Variants in MRPL44 observed in about 807,000 individuals in gnomAD.
MRPL44 encodes the protein large ribosomal subunit protein mL44.
A neutral mutation model predicts 25.9 loss-of-function variants in MRPL44; 21 were observed. That is an observed-to-expected ratio of 0.81 (90% CI 0.58 to 1.17). The LOEUF is 1.17. Among genes scored for constraint, MRPL44 ranks in the 50% most tolerant of loss-of-function variants. The probability of loss-of-function intolerance (pLI) is 0.00; values close to 1 mark genes in which losing one functional copy is unlikely to be tolerated. For synonymous variants in MRPL44, 169 were observed against 151.0 expected (o/e 1.12, Z -0.87); for missense variants, 410 against 398.9 (o/e 1.03, Z -0.24).
chr2:223,962,217 G>A (rs1268353896), intron 2 of MRPL44, among the ~76,000 whole-genome samples: 5 of 152,068 alleles, frequency 3.3e-5, no homozygotes, highest in African/African-American at 9.7e-5. Context: ...CTGTAGAGCC[G>A]TGGTCTCATT....
intron 2 of MRPL44, among the ~76,000 whole-genome samples, chr2:223,961,431 A>C (rs1431798619): frequency 1.3e-5 from 2 of 152,252 alleles, no homozygotes; most frequent in African/African-American, 4.8e-5. Context: ...AGTATTACTA[A>C]GAAAGTGGTT....
rs1312476236 is a variant in MRPL44 at position 223,967,027 on chromosome 2, C to T, written c.992C>T (p.Ala331Val). ...TTGAGAGCAGAAAAGAGCATCACTGCCAGCTAGCCGCCATGGATGCAGCAG... is the reference window on the plus strand; with the variant it reads ...TTGAGAGCAGAAAAGAGCATCACTGTCAGCTAGCCGCCATGGATGCAGCAG... Reference protein sequence around the residue: ...ETLRAEKSITAS With the variant: ...ETLRAEKSITVS Residue 331 changes from alanine (A) to valine (V), a missense_variant, in exon 4 of 4, where the codon GCC (alanine) becomes GTC (valine). Ala to Val is a moderately conservative substitution (Grantham distance 64). Transcript: ENST00000258383. The T allele has an allele frequency of 1.9e-6, 3 of 1,608,258 alleles. No homozygotes were observed. Among genetic ancestry groups the T allele is most frequent in the Non-Finnish European group, 2.5e-6 (3 of 1,177,012 alleles).
At chr2:223,958,434 G>A (rs903486667) in intron 1 of MRPL44, among the ~76,000 whole-genome samples, 1 of 152,140 alleles carries the variant, frequency 6.6e-6, no homozygotes, top group Admixed American at 6.5e-5. Flanking sequence ...CTACCAGTAG[G>A]AACGGTCTTC....
In MRPL44 at chr2:223,966,966, A is replaced by G; in HGVS notation, c.931A>G (p.Arg311Gly). 6.2e-7 allele frequency: 1 copy of G among 1,614,176 alleles called. No homozygotes were observed. Among genetic ancestry groups the G allele is most frequent in the Non-Finnish European group, 8.5e-7 (1 of 1,180,006 alleles). Reference protein sequence around the residue: ...LRKLYGFTENRRPWNYSKPKE... With the variant: ...LRKLYGFTENGRPWNYSKPKE... ...AAAACTTTATGGATTCACAGAAAAT[A>G]GACGGCCGTGGAACTATTCCAAGCC... Residue 311 changes from arginine to glycine, a missense_variant, in exon 4 of 4, where the codon AGA (arginine) becomes GGA (glycine). Arg to Gly is a moderately radical substitution (Grantham distance 125). Coordinates refer to ENST00000258383, the MANE Select transcript of MRPL44 (RefSeq NM_022915.5).
upstream of MRPL44, chr2:223,957,353 G>A (rs1279050680): frequency 7.5e-6 from 10 of 1,325,020 alleles, no homozygotes; most frequent in African/African-American, 1.5e-5. Flanking sequence ...CCCCGCCCCG[G>A]GGGCTGTCTC....
chr2:223,966,964 A>G lies in MRPL44; in HGVS notation c.929A>G (p.Asn310Ser), dbSNP rs768911679. The G allele has an allele frequency of 1.2e-5, 19 of 1,614,076 alleles. No individual in the cohort carries two copies. In the Admixed American group the frequency reaches 3.0e-4, roughly 25 times the overall value. ...AGAAAACTTTATGGATTCACAGAAA[A>G]TAGACGGCCGTGGAACTATTCCAAG... The part of the protein sequence containing the change: ...ALRKLYGFTE[N>S]RRPWNYSKPK... Residue 310 changes from asparagine to serine, a missense_variant, in exon 4 of 4, where the codon AAT becomes AGT. Transcript: ENST00000258383.
chr2:223,965,853 C>CATAA (rs1458311385), intron 3 of MRPL44: 1 of 151,406 alleles, frequency 6.6e-6, no homozygotes, highest in Non-Finnish European at 1.5e-5. Context: ...TATTTAATTA[C>CATAA]TATTTATCTT....
At chr2:223,962,384 T>TAA (rs1689675340) in intron 2 of MRPL44, among the ~76,000 whole-genome samples, 2 of 152,212 alleles carry the variant, frequency 1.3e-5, no homozygotes. Context: ...AGTGTTGTAA[T>TAA]GAATTGACTT....
At chr2:223,954,101 T>C (rs1689530400), upstream of MRPL44, among the ~76,000 whole-genome samples, 1 of 152,200 alleles carries the variant, frequency 6.6e-6, no homozygotes, top group Non-Finnish European at 1.5e-5. Context: ...AAAGGGGATC[T>C]ATACCTACAG....
chr2:223,963,838 A>T lies in MRPL44; in HGVS notation c.731A>T (p.Glu244Val). The T allele has an allele frequency of 6.2e-7, 1 of 1,614,008 alleles. No individual in the cohort carries two copies. The change falls in exon 3 of 4, where the codon GAA (glutamate) becomes GTA (valine). Residue 244 changes from glutamate to valine, a missense_variant. By Grantham distance (121) the Glu-to-Val change is moderately radical (BLOSUM62 -2). Coordinates refer to ENST00000258383, the MANE Select transcript of MRPL44 (RefSeq NM_022915.5). ...IINPMGLLVE[E>V]LKKRNVSAPE... is the part of the protein sequence containing the mutation. ...AATCCCATGGGGCTATTGGTAGAAG[A>T]ACTGAAGAAAAGGAATGTTTCAGCT... is the stretch of plus-strand genomic sequence containing the variant.
intron 2 of MRPL44, among the ~76,000 whole-genome samples, chr2:223,962,244 T>TCTTGAACTTGAA (rs1168251980): frequency 2.0e-5 from 3 of 152,194 alleles, no homozygotes; most frequent in African/African-American, 7.2e-5. Context: ...TTCAAGCTGG[T>TCTTGAACTTGAA]CTTGAACTCC....
chr2:223,956,654 T>G (rs1689568207), upstream of MRPL44, among the ~76,000 whole-genome samples: 1 of 152,342 alleles, frequency 6.6e-6, no homozygotes, highest in South Asian at 2.1e-4. Flanking sequence ...CACAGATGCC[T>G]TTAACAAAGA....
chr2:223,958,735 C>T (rs1181461311), intron 1 of MRPL44, among the ~76,000 whole-genome samples: 3 of 152,130 alleles, frequency 2.0e-5, no homozygotes, highest in Non-Finnish European at 4.4e-5. Context: ...TACAGGTATA[C>T]CTCATACATA....
In MRPL44 at chr2:223,957,535, C is replaced by T. The variant is rs773236665; in HGVS notation, c.63C>T (p.Ala21=). The T allele has an allele frequency of 3.1e-6, 5 of 1,614,096 alleles. No individual in the cohort carries two copies. In the Admixed American group the frequency reaches 6.7e-5, roughly 22 times the overall value. Residue 21 remains alanine (A), a synonymous_variant, in exon 1 of 4, where the codon GCC becomes GCT. Coordinates refer to ENST00000258383, the MANE Select transcript of MRPL44 (RefSeq NM_022915.5). ...ATCGCTGCCTCCTGGCTCCAGTCGC[C>T]CCCAAGCTGGTCCCTCCGGTTCGGG... ...QGHRCLLAPV[A]PKLVPPVRGV...
At position 223,966,936 on chromosome 2, in the gene MRPL44, C is replaced by G; in HGVS notation, c.901C>G (p.Leu301Val). ...AGAAGAAGAGGCTGCTCGAGTGGCC[C>G]TTAGAAAACTTTATGGATTCACAGA... ...VAEEEAARVA[L>V]RKLYGFTENR... is the part of the protein sequence containing the mutation. The change falls in exon 4 of 4, where the codon CTT becomes GTT. Residue 301 changes from leucine (L) to valine (V), a missense_variant. By Grantham distance (32) the Leu-to-Val change is conservative. Coordinates refer to ENST00000258383, the MANE Select transcript of MRPL44 (RefSeq NM_022915.5). 6.2e-7 allele frequency: 1 copy of G among 1,614,116 alleles called. No homozygotes were observed. The highest frequency in any genetic ancestry group is 8.5e-7 in the Non-Finnish European group (1 of 1,180,016).
At chr2:223,966,841 C>T in intron 3 of MRPL44, 22 bp from the exon 4 acceptor site, 1 of 1,602,478 alleles carries the variant, frequency 6.2e-7, no homozygotes, top group South Asian at 1.1e-5. Flanking sequence ...TAATTTAAGA[C>T]TACTGTTTGT....
Position 223,959,543 on chromosome 2 carries a change from G to T in MRPL44, c.189G>T (p.Lys63Asn), listed in dbSNP as rs1255437306. 6.2e-7 allele frequency: 1 copy of T among 1,606,028 alleles called. No homozygotes were observed. The change falls in exon 2 of 4, where the codon AAG (lysine) becomes AAT (asparagine). Residue 63 changes from lysine to asparagine, a missense_variant. Transcript: ENST00000258383. Reference protein sequence around the residue: ...CPPPPVRRSEKPNWDYHAEIQ... With the variant: ...CPPPPVRRSENPNWDYHAEIQ... ...GTCTTTACATTTTCAGTTCAGAGAA[G>T]CCGAACTGGGATTACCATGCAGAAA...
At position 223,957,568 on chromosome 2, in the gene MRPL44, G is replaced by A. The variant is rs370753182; in HGVS notation, c.96G>A (p.Lys32=). The stretch of plus-strand genomic sequence containing the variant: ...TGGTCCCTCCGGTTCGGGGAGTGAA[G>A]AAGGGATTCCGCGCCGCCTTCCGCT... ...PKLVPPVRGV[K]KGFRAAFRFQ... is the part of the protein sequence containing the mutation. The change falls in exon 1 of 4, where the codon AAG becomes AAA. Residue 32 remains lysine, a synonymous_variant. Coordinates refer to ENST00000258383, the MANE Select transcript of MRPL44 (RefSeq NM_022915.5). 2.2e-5 allele frequency: 36 copies of A among 1,613,832 alleles called. No individual in the cohort carries two copies. Among genetic ancestry groups the A allele is most frequent in the Non-Finnish European group, 2.9e-5 (34 of 1,180,030 alleles).
At chr2:223,951,612 G>A in the MRPL44 span, among the ~76,000 whole-genome samples, 1 of 151,704 alleles carries the variant, frequency 6.6e-6, no homozygotes, top group African/African-American at 2.4e-5. Flanking sequence ...CAGAAAAGCT[G>A]GGATTACAGG....
Sources: allele counts gnomAD v4.1 joint callset (sites outside exome capture counted in the v4.1 genomes callset), GRCh38; gene constraint gnomAD v4.1.1; transcripts MANE v1.5; gene names NCBI Gene and HGNC (gene_info 2026-07-23, HGNC 2026-07-21).